The following APBA1 variants were observed in gnomAD, a reference collection of about 807,000 sequenced individuals.
APBA1 encodes the protein amyloid beta precursor protein binding family A member 1.
APBA1 carries 55 observed loss-of-function variants against 86.6 expected under a neutral mutation model. The observed-to-expected ratio is 0.64, with a 90% CI of 0.51 to 0.80. APBA1 has a LOEUF of 0.80. APBA1 is among the 30% of genes least tolerant of loss of function. APBA1 has a pLI of 0.00. For missense variants in APBA1, 1,090 were observed against 1,183.0 expected, an observed-to-expected ratio of 0.92 and a Z score of 1.15; for synonymous variants, 511 against 493.9, an observed-to-expected ratio of 1.03 and a Z score of -0.46.
chr9:69,651,499 G>A (rs1194046020), intron 1 of APBA1, among the ~76,000 whole-genome samples: 4 of 151,332 alleles, frequency 2.6e-5, no homozygotes, highest in Non-Finnish European at 4.4e-5. Flanking sequence ...TCTTGAGACT[G>A]AGTTTCACTC....
intron 1 of APBA1, among the ~76,000 whole-genome samples, chr9:69,616,644 C>T (rs1389686843): frequency 6.6e-6 from 1 of 152,092 alleles, no homozygotes; most frequent in Non-Finnish European, 1.5e-5. Context: ...TAGACCTATC[C>T]TGAAAAACAC....
intron 1 of APBA1, among the ~76,000 whole-genome samples, chr9:69,605,216 T>C (rs948020901): frequency 6.6e-6 from 1 of 152,182 alleles, no homozygotes; most frequent in African/African-American, 2.4e-5. Context: ...AGAGAATTTT[T>C]CTCTGGAACA....
intron 1 of APBA1, among the ~76,000 whole-genome samples, chr9:69,604,289 CAT>C (rs1343750049): frequency 4.3e-5 from 6 of 141,104 alleles, no homozygotes; most frequent in African/African-American, 1.1e-4. Flanking sequence ...CATGCACACA[CAT>C]GAGGGTAAGT....
intron 1 of APBA1, among the ~76,000 whole-genome samples, chr9:69,616,493 T>C (rs1301609746): frequency 6.6e-6 from 1 of 152,226 alleles, no homozygotes; most frequent in East Asian, 1.9e-4. Context: ...CTTTGTATTT[T>C]CCTTTTTAAA....
At chr9:69,527,201 G>A (rs911876081) in intron 1 of APBA1, among the ~76,000 whole-genome samples, 1 of 151,918 alleles carries the variant, frequency 6.6e-6, no homozygotes, top group Non-Finnish European at 1.5e-5. Context: ...TAACAAATCT[G>A]TACATGTACC....
intron 4 of APBA1, among the ~76,000 whole-genome samples, chr9:69,470,329 G>A (rs951121369): frequency 6.6e-6 from 1 of 152,074 alleles, no homozygotes; most frequent in South Asian, 2.1e-4. Flanking sequence ...TTGGCCTTTC[G>A]GAACATGGTT....
intron 2 of APBA1, among the ~76,000 whole-genome samples, chr9:69,492,208 C>T (rs1835725135): frequency 6.6e-6 from 1 of 152,118 alleles, no homozygotes; most frequent in African/African-American, 2.4e-5. Context: ...CTGGGCACGT[C>T]ATCCATCCTC....
intron 1 of APBA1, among the ~76,000 whole-genome samples, chr9:69,667,579 C>T (rs901443199): frequency 1.3e-5 from 2 of 149,188 alleles, no homozygotes; most frequent in East Asian, 2.0e-4. Context: ...CATCTAGTAT[C>T]CTCCCATCTT....
At chr9:69,541,011 C>T (rs1266950442) in intron 1 of APBA1, among the ~76,000 whole-genome samples, 3 of 152,186 alleles carry the variant, frequency 2.0e-5, no homozygotes, top group Non-Finnish European at 2.9e-5. Flanking sequence ...CATGTTGTCA[C>T]GTATCACAGG....
chr9:69,440,886 T>A (rs1352511719), intron 11 of APBA1, 110 bp downstream of exon 11: 2 of 1,345,786 alleles, frequency 1.5e-6, no homozygotes, highest in African/African-American at 1.5e-5. Flanking sequence ...ACGCTGGGAG[T>A]TGTAGACTGG....
intron 1 of APBA1, among the ~76,000 whole-genome samples, chr9:69,585,134 C>T (rs775582604): frequency 2.1e-4 from 32 of 152,184 alleles, no homozygotes; most frequent in Non-Finnish European, 3.8e-4. Context: ...GGGGAGCTGA[C>T]AATCCTTTTA....
At chr9:69,628,569 A>C (rs1343142140) in intron 1 of APBA1, among the ~76,000 whole-genome samples, 1 of 152,190 alleles carries the variant, frequency 6.6e-6, no homozygotes, top group Non-Finnish European at 1.5e-5. Context: ...AGGCAGAGTC[A>C]CCTGAGTGCC....
At chr9:69,669,950 T>C (rs1588421570) in intron 1 of APBA1, among the ~76,000 whole-genome samples, 1 of 152,332 alleles carries the variant, frequency 6.6e-6, no homozygotes, top group Non-Finnish European at 1.5e-5. Context: ...TACTTGCAAA[T>C]ATAAAGGATG....
At chr9:69,651,855 C>T (rs1823509486) in intron 1 of APBA1, among the ~76,000 whole-genome samples, 1 of 152,206 alleles carries the variant, frequency 6.6e-6, no homozygotes, top group Non-Finnish European at 1.5e-5. Flanking sequence ...GCTCCACCCA[C>T]ATACACACCA....
chr9:69,437,334 A>G lies in APBA1; in HGVS notation c.2301+3662T>C, dbSNP rs1438706295. Among the ~76,000 whole-genome samples the G allele has an allele frequency of 1.2e-3, 181 of 150,104 alleles. 2 individuals are homozygous for G. The highest frequency in any genetic ancestry group is 4.3e-3 in the African/African-American group (170 of 39,956). On this transcript the variant is annotated intron_variant, in intron 11 of 12. Coordinates refer to ENST00000265381, the MANE Select transcript of APBA1 (RefSeq NM_001163.4). The stretch of plus-strand genomic sequence containing the variant: ...ATTCCCTCTTTTTCTATTGATTGGA[A>G]TAGTTTCAGAAGGAATGCTACCAGC...
chr9:69,546,883 A>G (rs187199032), intron 1 of APBA1, among the ~76,000 whole-genome samples: 83 of 152,308 alleles, frequency 5.4e-4, no homozygotes, highest in African/African-American at 1.9e-3. Context: ...TGACCCACCT[A>G]CTTTATAGAG....
At chr9:69,566,025 C>T (rs1354077360) in intron 1 of APBA1, among the ~76,000 whole-genome samples, 1 of 152,236 alleles carries the variant, frequency 6.6e-6, no homozygotes, top group Non-Finnish European at 1.5e-5. Context: ...CACCCCTATT[C>T]CCAGCTTCAG....
At chr9:69,540,122 G>GCGGCAACAACAACAA (rs369017582) in intron 1 of APBA1, among the ~76,000 whole-genome samples, 1 of 148,468 alleles carries the variant, frequency 6.7e-6, no homozygotes, top group Non-Finnish European at 1.5e-5. Flanking sequence ...CTCCATCTCG[G>GCGGCAACAACAACAA]CAACAACAAC....
At chr9:69,628,744 T>C (rs1041899367) in intron 1 of APBA1, among the ~76,000 whole-genome samples, 2 of 152,218 alleles carry the variant, frequency 1.3e-5, no homozygotes, top group African/African-American at 4.8e-5. Context: ...TCTAAGTAGC[T>C]TGACTTAAAA....
Sources: gnomAD v4.1 joint callset for allele counts (sites outside exome capture counted in the v4.1 genomes callset) on GRCh38, gnomAD v4.1.1 for gene constraint, MANE v1.5 for transcripts, NCBI Gene and HGNC (gene_info 2026-07-23, HGNC 2026-07-21) for gene names.